Variants in RBBP8 observed in about 807,000 individuals in gnomAD.
RBBP8 encodes RB binding protein 8, endonuclease.
A neutral mutation model predicts 108.3 loss-of-function variants in RBBP8; 88 were observed. That is an observed-to-expected ratio of 0.81 (90% CI 0.68 to 0.97). The LOEUF (loss-of-function observed/expected upper bound fraction) is 0.97, where lower values mean the gene tolerates loss of function less well. Ranked by LOEUF, RBBP8 falls within the 50% of genes least tolerant of loss-of-function variation. The probability of loss-of-function intolerance (pLI) is 0.00; values close to 1 mark genes in which losing one functional copy is unlikely to be tolerated. For synonymous variants in RBBP8, 332 were observed against 348.2 expected (o/e 0.95, Z 0.52); for missense variants, 1,023 against 1,049.0 (o/e 0.98, Z 0.34).
chr18:22,996,377 T>C lies in RBBP8; in HGVS notation c.1943T>C (p.Val648Ala). The change falls in exon 13 of 19, where the codon GTA (valine) becomes GCA (alanine). Residue 648 changes from valine (V) to alanine (A), a missense_variant. Val to Ala is a moderately conservative substitution (Grantham distance 64). Transcript: ENST00000327155. Reference sequence around the variant, plus strand: ...ATGCTCTTTCCCTTTACCTAAGATGTATCCTTTGAAAATATCCAGTGGAGT... The same window carrying C: ...ATGCTCTTTCCCTTTACCTAAGATGCATCCTTTGAAAATATCCAGTGGAGT... Reference protein sequence around the residue: ...KIKSLQNNQDVSFENIQWSID... With the variant: ...KIKSLQNNQDASFENIQWSID... The C allele has an allele frequency of 6.2e-7, 1 of 1,613,552 alleles. No homozygotes were observed. Among genetic ancestry groups the C allele is most frequent in the Non-Finnish European group, 8.5e-7 (1 of 1,179,826 alleles).
intron 12 of RBBP8, among the ~76,000 whole-genome samples, chr18:22,996,057 T>C (rs1955040159): frequency 1.3e-5 from 2 of 152,238 alleles, no homozygotes; most frequent in African/African-American, 4.8e-5. Flanking sequence ...TGTTATAGCT[T>C]TTTGATTTTT....
intron 3 of RBBP8, among the ~76,000 whole-genome samples, chr18:22,923,159 C>T (rs1317285219): frequency 6.6e-6 from 1 of 151,978 alleles, no homozygotes; most frequent in African/African-American, 2.4e-5. Flanking sequence ...TATCTTCTCT[C>T]TCTCATTTAA....
intron 4 of RBBP8, among the ~76,000 whole-genome samples, chr18:22,953,848 G>T (rs1490995625): frequency 6.6e-6 from 1 of 152,006 alleles, no homozygotes; most frequent in Non-Finnish European, 1.5e-5. Flanking sequence ...TCACAGTTCT[G>T]CAGAGCTGGG....
At position 22,953,086 on chromosome 18, in the gene RBBP8, C is replaced by T. The variant is rs987903659; in HGVS notation, c.248+3373C>T. On this transcript the variant is annotated intron_variant, in intron 4 of 18. Transcript: ENST00000327155. ...GGAAAAATACCTGTAAGAAATGAGG[C>T]GTCTGGGAGAGCTGTCAGACCCTCA... 2.6e-5 allele frequency among the ~76,000 whole-genome samples: 4 copies of T among 152,114 alleles called. No individual in the cohort carries two copies. In the South Asian group the frequency reaches 6.2e-4, roughly 24 times the overall value.
chr18:22,976,529 G>T (rs1914509573), intron 6 of RBBP8, among the ~76,000 whole-genome samples: 2 of 152,060 alleles, frequency 1.3e-5, no homozygotes, highest in Non-Finnish European at 2.9e-5. Context: ...CATATGTTTT[G>T]CTGTGAAAAT....
chr18:23,014,146 G>A (rs2046217520), intron 16 of RBBP8, among the ~76,000 whole-genome samples: 1 of 151,858 alleles, frequency 6.6e-6, no homozygotes, highest in African/African-American at 2.4e-5. Context: ...TTACAGGCAT[G>A]TGCCACCACG....
At chr18:23,020,389 C>G (rs909222943) in intron 17 of RBBP8, among the ~76,000 whole-genome samples, 6 of 151,908 alleles carry the variant, frequency 3.9e-5, no homozygotes, top group African/African-American at 1.5e-4. Flanking sequence ...CCATTGCACT[C>G]CAGCCTGGGT....
At chr18:22,966,592 A>AG (rs11446172) in intron 4 of RBBP8, among the ~76,000 whole-genome samples, 93,548 of 143,116 alleles carry the variant, frequency 0.65, 31,770 homozygotes, top group East Asian at 0.8. Context: ...AAAAAAAAAA[A>AG]GTCTATGTTC....
chr18:22,967,344 T>G (rs1913695363), intron 4 of RBBP8, among the ~76,000 whole-genome samples: 2 of 142,208 alleles, frequency 1.4e-5, no homozygotes, highest in African/African-American at 2.6e-5. Context: ...CCAGCCTGGG[T>G]GACAGAGCAG....
intron 4 of RBBP8, among the ~76,000 whole-genome samples, chr18:22,956,603 T>C (rs1912574265): frequency 6.6e-6 from 1 of 152,188 alleles, no homozygotes. Context: ...TTCCACGGTA[T>C]TGGGATTACA....
chr18:23,015,189 C>T (rs909344807), intron 16 of RBBP8, among the ~76,000 whole-genome samples: 2 of 152,170 alleles, frequency 1.3e-5, no homozygotes, highest in African/African-American at 4.8e-5. Flanking sequence ...TGAGCCACCA[C>T]ACCTGGCCAG....
At position 22,997,684 on chromosome 18, in the gene RBBP8, C is replaced by T; in HGVS notation, c.2093C>T (p.Thr698Ile). The T allele has an allele frequency of 6.2e-7, 1 of 1,609,780 alleles. No homozygotes were observed. Among genetic ancestry groups the T allele is most frequent in the African/African-American group, 1.3e-5 (1 of 74,758 alleles). ...VDMDCTLVSE[T>I]VLLKMKKQEQ... Reference sequence around the variant, plus strand: ...ATGGACTGTACATTGGTTAGTGAAACCGTTCTCTTAAAAATGAAGAAGCAA... The same window carrying T: ...ATGGACTGTACATTGGTTAGTGAAATCGTTCTCTTAAAAATGAAGAAGCAA... The change falls in exon 14 of 19, where the codon ACC becomes ATC. Residue 698 changes from threonine to isoleucine, a missense_variant. Physicochemically the swap from Thr to Ile is moderately conservative, Grantham distance 89. Transcript: ENST00000327155.
intron 15 of RBBP8, among the ~76,000 whole-genome samples, chr18:23,004,271 G>GTATA (rs56071878): frequency 2.0e-5 from 3 of 150,570 alleles, no homozygotes; most frequent in Non-Finnish European, 4.4e-5. Context: ...CTAGATAGGT[G>GTATA]TATATATATA....
At chr18:22,977,223 A>T (rs1474096385) in intron 6 of RBBP8, among the ~76,000 whole-genome samples, 2 of 150,944 alleles carry the variant, frequency 1.3e-5, no homozygotes, top group East Asian at 3.9e-4. Context: ...TTTTGTTTTT[A>T]AAAAAGCAAG....
intron 3 of RBBP8, among the ~76,000 whole-genome samples, chr18:22,927,485 T>C (rs780240872): frequency 2.0e-5 from 3 of 152,184 alleles, no homozygotes; most frequent in African/African-American, 4.8e-5. Flanking sequence ...TTATATATGC[T>C]GGGCCTGCGC....
chr18:22,979,535 T>C (rs1914748382), intron 6 of RBBP8, among the ~76,000 whole-genome samples: 1 of 152,246 alleles, frequency 6.6e-6, no homozygotes, highest in Non-Finnish European at 1.5e-5. Flanking sequence ...GTTCTCACTA[T>C]ATAAGCTTTT....
chr18:22,925,936 T>C (rs1909776038), intron 3 of RBBP8, among the ~76,000 whole-genome samples: 1 of 152,176 alleles, frequency 6.6e-6, no homozygotes, highest in African/African-American at 2.4e-5. Context: ...ACTCTTAAAT[T>C]ATCTTATTTT....
At chr18:22,992,411 G>T (rs894986604) in intron 10 of RBBP8, among the ~76,000 whole-genome samples, 1 of 152,152 alleles carries the variant, frequency 6.6e-6, no homozygotes, top group Non-Finnish European at 1.5e-5. Flanking sequence ...AGCCAGGCTG[G>T]CCTCGAACTT....
chr18:22,927,437 T>C (rs553954093), intron 3 of RBBP8, among the ~76,000 whole-genome samples: 17 of 152,280 alleles, frequency 1.1e-4, no homozygotes, highest in Middle Eastern at 3.4e-3. Flanking sequence ...CTTCTTTAAG[T>C]AAATCACACA....
Sources: gnomAD v4.1 joint callset for allele counts (sites outside exome capture counted in the v4.1 genomes callset) on GRCh38, gnomAD v4.1.1 for gene constraint, MANE v1.5 for transcripts, NCBI Gene and HGNC (gene_info 2026-07-23, HGNC 2026-07-21) for gene names.